The following ITGA4 variants were observed in gnomAD, a reference collection of about 807,000 sequenced individuals.
The protein encoded by ITGA4 is integrin alpha-4.
In ITGA4, 63 loss-of-function variants were observed where a neutral mutation model predicts 133.6. That is an observed-to-expected ratio of 0.47 (90% CI 0.38 to 0.58). The LOEUF (loss-of-function observed/expected upper bound fraction) is 0.58. ITGA4 is among the 20% of genes least tolerant of loss of function. The pLI is 0.00. For missense variants in ITGA4, 1,076 were observed against 1,252.7 expected (o/e 0.86, Z 2.13); for synonymous variants, 483 against 438.0 (o/e 1.10, Z -1.28).
At position 181,503,859 on chromosome 2, in the gene ITGA4, C is replaced by T. The variant is rs149548087; in HGVS notation, c.1695+5082C>T. On this transcript the variant is annotated intron_variant, in intron 15 of 27. Coordinates refer to ENST00000397033, the MANE Select transcript of ITGA4 (RefSeq NM_000885.6). ...GTTTTTGCTTTATTTAAATATACAACTTCATCAAATTGTGGAGATTTCTTA... is the reference window on the plus strand; with the variant it reads ...GTTTTTGCTTTATTTAAATATACAATTTCATCAAATTGTGGAGATTTCTTA... Among the ~76,000 whole-genome samples, 1,276 of 152,036 alleles carry T rather than the reference C, an allele frequency of 8.4e-3. 16 individuals are homozygous for T. Among genetic ancestry groups the T allele is most frequent in the African/African-American group, 0.028 (1,179 of 41,508 alleles).
chr2:181,491,984 G>A (rs1686057807), intron 10 of ITGA4, among the ~76,000 whole-genome samples: 1 of 152,090 alleles, frequency 6.6e-6, no homozygotes, highest in South Asian at 2.1e-4. Context: ...CTCATCTTGG[G>A]CATCATTTTC....
intron 17 of ITGA4, among the ~76,000 whole-genome samples, chr2:181,518,726 A>G (rs1447752833): frequency 1.3e-5 from 2 of 152,108 alleles, no homozygotes; most frequent in East Asian, 1.9e-4. Flanking sequence ...GTAGGCAGAC[A>G]TGTGAATTTG....
intron 20 of ITGA4, among the ~76,000 whole-genome samples, chr2:181,524,959 T>TGAA (rs549058796): frequency 6.8e-5 from 10 of 146,354 alleles, no homozygotes; most frequent in Admixed American, 3.4e-4. Flanking sequence ...AACTATTTGT[T>TGAA]AAAAAAAAAA....
chr2:181,478,715 C>CT (rs1685737432), intron 4 of ITGA4, 42 bp from the exon 5 acceptor site: 1 of 856,194 alleles, frequency 1.2e-6, no homozygotes, highest in Admixed American at 2.7e-5. Flanking sequence ...GAGATTTTAT[C>CT]TTTAAGATAA....
intron 10 of ITGA4, among the ~76,000 whole-genome samples, chr2:181,488,006 TTTAA>T (rs1685960158): frequency 6.6e-6 from 1 of 152,236 alleles, no homozygotes; most frequent in Non-Finnish European, 1.5e-5. Context: ...TCTGTCTTGT[TTTAA>T]TTGACACATT....
chr2:181,493,162 A>G, intron 10 of ITGA4, 163 bp from the exon 11 acceptor site: 1 of 567,150 alleles, frequency 1.8e-6, no homozygotes, highest in Non-Finnish European at 3.1e-6. Flanking sequence ...AATCCTGTAT[A>G]TGATGATGAT....
At chr2:181,463,820 G>T (rs1431434656) in intron 2 of ITGA4, among the ~76,000 whole-genome samples, 1 of 152,056 alleles carries the variant, frequency 6.6e-6, no homozygotes, top group Non-Finnish European at 1.5e-5. Context: ...CACCTCCAAG[G>T]CTTTGATTAC....
chr2:181,518,935 CAG>C (rs1686664827), intron 17 of ITGA4, among the ~76,000 whole-genome samples: 1 of 151,854 alleles, frequency 6.6e-6, no homozygotes, highest in African/African-American at 2.4e-5. Context: ...AATTAATCCT[CAG>C]TTAAAAAATT....
chr2:181,490,412 C>T (rs1480640965), intron 10 of ITGA4, among the ~76,000 whole-genome samples: 1 of 151,286 alleles, frequency 6.6e-6, no homozygotes, highest in Non-Finnish European at 1.5e-5. Flanking sequence ...ATAATGACAT[C>T]CCCCACCAGT....
chr2:181,502,905 A>C (rs1686308766), intron 15 of ITGA4, among the ~76,000 whole-genome samples: 1 of 152,062 alleles, frequency 6.6e-6, no homozygotes, highest in Admixed American at 6.6e-5. Context: ...GAAGCAAGCA[A>C]GGAGCATGCA....
intron 25 of ITGA4, among the ~76,000 whole-genome samples, chr2:181,532,294 A>G (rs1433145723): frequency 6.6e-6 from 1 of 152,226 alleles, no homozygotes; most frequent in Non-Finnish European, 1.5e-5. Flanking sequence ...CTGTGAAGAA[A>G]GTCAATGGTA....
At chr2:181,504,903 T>C (rs1245976465) in intron 15 of ITGA4, among the ~76,000 whole-genome samples, 1 of 151,810 alleles carries the variant, frequency 6.6e-6, no homozygotes, top group African/African-American at 2.4e-5. Context: ...TCTGTACCAC[T>C]TGAGCCAAGC....
At chr2:181,521,943 G>A (rs1224203717) in intron 17 of ITGA4, among the ~76,000 whole-genome samples, 11 of 152,084 alleles carry the variant, frequency 7.2e-5, no homozygotes, top group Non-Finnish European at 1.6e-4. Flanking sequence ...GAAAAGATAC[G>A]AGTTTAATTA....
chr2:181,536,754 A>C lies in ITGA4; in HGVS notation c.*1227A>C, dbSNP rs1687128224. On this transcript the variant is annotated 3_prime_UTR_variant, in exon 28 of 28. Transcript: ENST00000397033. ...TAAATGACTTTCTGGATTTTAAAAA[A>C]TTTCTTTAAATACAATCATTTTTGT... is the stretch of plus-strand genomic sequence containing the variant. The C allele has an allele frequency of 4.1e-6, 1 of 246,334 alleles. No individual in the cohort carries two copies. The highest frequency in any genetic ancestry group is 4.6e-5 in the South Asian group (1 of 21,506). The allele number at this position is 246,334 out of a possible 1,614,324, so 15.3% of individuals were successfully genotyped here.
rs979478829 is a variant in ITGA4 at position 181,538,342 on chromosome 2, T to TAACA, written c.*2820_*2823dup. ...AATGCCAATGCCAAATACAAATTGA[T>TAACA]AACAAACACAGCATTCCCAACAGAG... On this transcript the variant is annotated 3_prime_UTR_variant, in exon 28 of 28. Coordinates refer to ENST00000397033, the MANE Select transcript of ITGA4 (RefSeq NM_000885.6). The TAACA allele has an allele frequency of 1.7e-5, 12 of 705,856 alleles. No individual in the cohort carries two copies. Among genetic ancestry groups the TAACA allele is most frequent in the African/African-American group, 5.3e-5 (3 of 56,528 alleles). 43.7% of individuals were successfully genotyped at this position (705,856 alleles called of 1,614,324 possible). A position where few individuals can be genotyped will look rare whatever the true frequency, so the allele number is the denominator to read the frequency against.
chr2:181,511,742 A>T lies in ITGA4; in HGVS notation c.1889A>T (p.Asp630Val), dbSNP rs1247823733. ...RFCAHENCSA[D>V]LQVSAKIGFL... ...TGTGCCCATGAAAATTGTTCTGCTG[A>T]TTTACAGGTTTCTGCAAAGATTGGG... The change falls in exon 17 of 28, where the codon GAT becomes GTT. Residue 630 changes from aspartate (D) to valine (V), a missense_variant. Physicochemically the swap from Asp to Val is radical, Grantham distance 152 (BLOSUM62 -3). This residue lies in a region of ITGA4 where 365 missense variants were observed against 421.4 expected (regional missense o/e 0.87). Transcript: ENST00000397033. The T allele has an allele frequency of 6.3e-7, 1 of 1,597,876 alleles. No homozygotes were observed. The highest frequency in any genetic ancestry group is 1.3e-5 in the African/African-American group (1 of 74,474).
intron 2 of ITGA4, among the ~76,000 whole-genome samples, chr2:181,467,585 A>G (rs1219220050): frequency 2.0e-5 from 3 of 152,154 alleles, no homozygotes; most frequent in African/African-American, 7.2e-5. Context: ...ATGGAGGAAA[A>G]GAGCAGGGCA....
At chr2:181,504,082 A>T (rs1419874289) in intron 15 of ITGA4, among the ~76,000 whole-genome samples, 1 of 152,066 alleles carries the variant, frequency 6.6e-6, no homozygotes, top group Non-Finnish European at 1.5e-5. Flanking sequence ...AGGGTGCTAC[A>T]TTGGGATAAC....
intron 4 of ITGA4, among the ~76,000 whole-genome samples, chr2:181,478,038 C>G (rs1415715838): frequency 6.6e-6 from 1 of 151,990 alleles, no homozygotes; most frequent in Non-Finnish European, 1.5e-5. Flanking sequence ...GAGTATTATT[C>G]AGCCTTTAAA....
Sources: gnomAD v4.1 joint callset for allele counts (sites outside exome capture counted in the v4.1 genomes callset) on GRCh38, gnomAD v4.1.1 for gene constraint, gnomAD v4.1.1 regional missense constraint, MANE v1.5 for transcripts, NCBI Gene and HGNC (gene_info 2026-07-23, HGNC 2026-07-21) for gene names.